Variants in CDH23 observed in about 807,000 individuals in gnomAD.
CDH23 encodes cadherin-23.
In CDH23, 189 loss-of-function variants were observed where a neutral mutation model predicts 317.1. The observed-to-expected ratio is 0.60, with a 90% CI of 0.53 to 0.67. The LOEUF is 0.67. Ranked by LOEUF, CDH23 falls within the 30% of genes least tolerant of loss-of-function variation. The pLI, the probability that CDH23 is intolerant of heterozygous loss-of-function variation, is 0.00. For missense variants in CDH23, 4,401 were observed against 4,592.4 expected (o/e 0.96, Z 1.20); for synonymous variants, 1,839 against 1,876.8 (o/e 0.98, Z 0.52).
At chr10:71,720,317 G>A (rs977186897) in intron 28 of CDH23, among the ~76,000 whole-genome samples, 6 of 152,170 alleles carry the variant, frequency 3.9e-5, no homozygotes, top group Non-Finnish European at 8.8e-5. Flanking sequence ...TCAAAGGTCA[G>A]GGGGATCCCA....
At chr10:71,577,442 T>C (rs1206209983) in intron 8 of CDH23, among the ~76,000 whole-genome samples, 1 of 152,056 alleles carries the variant, frequency 6.6e-6, no homozygotes, top group African/African-American at 2.4e-5. Context: ...CTAAAGTAGT[T>C]GAGCCACCAT....
chr10:71,520,225 T>C (rs910704413), intron 6 of CDH23, among the ~76,000 whole-genome samples: 4 of 152,198 alleles, frequency 2.6e-5, no homozygotes, highest in Non-Finnish European at 2.9e-5. Context: ...AGTCAGGGCA[T>C]TGGTGGTCAG....
intron 8 of CDH23, among the ~76,000 whole-genome samples, chr10:71,575,423 A>G (rs1296887228): frequency 2.0e-5 from 3 of 152,208 alleles, no homozygotes; most frequent in African/African-American, 7.2e-5. Context: ...TGGGGAAAAC[A>G]AGGCAGAAAG....
intron 6 of CDH23, among the ~76,000 whole-genome samples, chr10:71,529,196 A>T (rs541065728): frequency 3.3e-5 from 5 of 152,210 alleles, no homozygotes; most frequent in Admixed American, 1.3e-4. Flanking sequence ...CTCCCAGGCG[A>T]TGCCAGTGCT....
Position 71,734,225 on chromosome 10 carries a change from G to A in CDH23, c.4105-15G>A. On this transcript the variant is annotated splice_polypyrimidine_tract_variant and intron_variant, in intron 32 of 69. Coordinates refer to ENST00000224721, the MANE Select transcript of CDH23 (RefSeq NM_022124.6). ...TGCGATGTTGTCACTCACCCATCTGGCCCCTTCCCTGCAGGGTGTGATCAC... is the reference window on the plus strand; with the variant it reads ...TGCGATGTTGTCACTCACCCATCTGACCCCTTCCCTGCAGGGTGTGATCAC... 1.3e-6 allele frequency: 2 copies of A among 1,596,578 alleles called. No individual in the cohort carries two copies. Among genetic ancestry groups the A allele is most frequent in the Non-Finnish European group, 1.7e-6 (2 of 1,171,090 alleles).
chr10:71,679,879 C>G lies in CDH23; in HGVS notation c.1858+387C>G, dbSNP rs530374526. Among the ~76,000 whole-genome samples the G allele has an allele frequency of 2.0e-5, 3 of 152,340 alleles. No individual in the cohort carries two copies. In the East Asian group the frequency reaches 5.8e-4, roughly 29 times the overall value. The stretch of plus-strand genomic sequence containing the variant: ...CGGCCGTGTGGGACCAGGCACTCTG[C>G]ACCATGCCCTGCTGCCTGCTGTGGG... On this transcript the variant is annotated intron_variant, in intron 17 of 69. Transcript: ENST00000224721.
intron 1 of CDH23, among the ~76,000 whole-genome samples, chr10:71,419,010 G>A (rs1443135950): frequency 6.6e-6 from 1 of 152,170 alleles, no homozygotes; most frequent in Non-Finnish European, 1.5e-5. Context: ...TACATTTTTA[G>A]CTTTGTTTTT....
intron 27 of CDH23, among the ~76,000 whole-genome samples, chr10:71,711,494 C>T (rs1865969520): frequency 6.6e-6 from 1 of 152,078 alleles, no homozygotes; most frequent in South Asian, 2.1e-4. Flanking sequence ...GCTCCTTCCT[C>T]CAGGGAGGAC....
chr10:71,401,406 G>GT (rs1288430027), intron 1 of CDH23, among the ~76,000 whole-genome samples: 1 of 152,212 alleles, frequency 6.6e-6, no homozygotes, highest in Non-Finnish European at 1.5e-5. Context: ...TTGGTGCTCA[G>GT]TAACTGTTCA....
intron 38 of CDH23, chr10:71,761,985 A>G: frequency 1.2e-6 from 2 of 1,613,104 alleles, no homozygotes; most frequent in Non-Finnish European, 1.7e-6. Context: ...GGACAGACAT[A>G]CAGGGAATAC....
intron 14 of CDH23, among the ~76,000 whole-genome samples, chr10:71,666,574 T>C (rs541360427): frequency 5.9e-5 from 9 of 151,994 alleles, no homozygotes; most frequent in Admixed American, 1.3e-4. Context: ...CCTTCTGAGA[T>C]GAGAGGGGAA....
intron 22 of CDH23, 147 bp from the exon 23 acceptor site, chr10:71,701,875 C>T (rs957211539): frequency 1.9e-4 from 148 of 765,450 alleles, no homozygotes; most frequent in South Asian, 1.9e-3. Flanking sequence ...ACCCCCCTAC[C>T]GGGCCCAGCG....
At chr10:71,493,612 G>A (rs1291729241) in intron 3 of CDH23, among the ~76,000 whole-genome samples, 1 of 152,152 alleles carries the variant, frequency 6.6e-6, no homozygotes, top group African/African-American at 2.4e-5. Flanking sequence ...AAATAGATGT[G>A]GGGAAGGCTG....
chr10:71,451,998 G>A (rs755148039), intron 3 of CDH23, among the ~76,000 whole-genome samples: 15 of 152,222 alleles, frequency 9.9e-5, no homozygotes, highest in Non-Finnish European at 2.1e-4. Flanking sequence ...GGCTGCCCAG[G>A]GAGTGGGCCC....
chr10:71,757,020 G>C (rs1410749987), intron 38 of CDH23, among the ~76,000 whole-genome samples: 4 of 152,232 alleles, frequency 2.6e-5, no homozygotes, highest in Non-Finnish European at 5.9e-5. Context: ...CATTACAGCA[G>C]GTTCCCTGCA....
intron 3 of CDH23, among the ~76,000 whole-genome samples, chr10:71,484,514 G>A (rs745834537): frequency 3.3e-5 from 5 of 152,184 alleles, no homozygotes; most frequent in Non-Finnish European, 4.4e-5. Context: ...GGGCCCCGGC[G>A]TTTGTGTGGC....
intron 53 of CDH23, among the ~76,000 whole-genome samples, chr10:71,800,982 T>G (rs2132972541): frequency 6.6e-6 from 1 of 152,276 alleles, no homozygotes; most frequent in East Asian, 1.9e-4. Flanking sequence ...AACTGCTATT[T>G]GGCAAAATAT....
chr10:71,710,443 C>A (rs1316116982), intron 27 of CDH23, among the ~76,000 whole-genome samples: 2 of 152,232 alleles, frequency 1.3e-5, no homozygotes, highest in East Asian at 1.9e-4. Context: ...GGCAGCCTCA[C>A]CCCCCACCCC....
Position 71,784,200 on chromosome 10 carries a change from C to A in CDH23, c.5369-87C>A, listed in dbSNP as rs925575643. On this transcript the variant is annotated intron_variant, in intron 41 of 69. Transcript: ENST00000224721. ...TGTCCCCCACCTGTGACGAGTGAGG[C>A]TTGCTAGAGGAAGCAGAAGGAGTCC... The A allele has an allele frequency of 2.8e-6, 4 of 1,442,584 alleles. No individual in the cohort carries two copies. In the African/African-American group the frequency reaches 4.3e-5, roughly 15 times the overall value. 89.4% of individuals were successfully genotyped at this position (1,442,584 alleles called of 1,614,324 possible).
Sources: gnomAD v4.1 joint callset for allele counts (sites outside exome capture counted in the v4.1 genomes callset) on GRCh38, gnomAD v4.1.1 for gene constraint, MANE v1.5 for transcripts, NCBI Gene and HGNC (gene_info 2026-07-23, HGNC 2026-07-21) for gene names.